RGS8: variants seen among roughly 807,000 people sequenced by gnomAD.
RGS8 encodes the protein regulator of G protein signaling 8, also known as regulator of G-protein signaling 8.
In RGS8, 8 loss-of-function variants were observed where a neutral mutation model predicts 21.7. The observed-to-expected ratio is 0.37, with a 90% CI of 0.22 to 0.66. RGS8 has a LOEUF of 0.66. Ranked by LOEUF, RGS8 falls within the 30% of genes least tolerant of loss-of-function variation. The pLI, the probability that RGS8 is intolerant of heterozygous loss-of-function variation, is 0.59. For synonymous variants in RGS8, 80 were observed against 83.6 expected, an observed-to-expected ratio of 0.96 and a Z score of 0.24; for missense variants, 157 against 217.9, an observed-to-expected ratio of 0.72 and a Z score of 1.76.
chr1:182,643,249 C>T (rs1213979921), downstream of RGS8: 6 of 151,064 alleles, frequency 4.0e-5, no homozygotes, highest in Non-Finnish European at 7.4e-5. Flanking sequence ...CCAGGTTCCT[C>T]GGTATCTACG....
the RGS8 span, among the ~76,000 whole-genome samples, chr1:182,721,040 CATATACATACATAT>C: frequency 0.31 from 20,916 of 67,300 alleles, 3,156 homozygotes; most frequent in African/African-American, 0.33. Flanking sequence ...TGTATATATA[CATATACATACATAT>C]ATATGTGTGT....
At chr1:182,668,381 G>A (rs1482650009) in intron 3 of RGS8, among the ~76,000 whole-genome samples, 1 of 152,238 alleles carries the variant, frequency 6.6e-6, no homozygotes, top group Non-Finnish European at 1.5e-5. Context: ...ATGTTGAAAG[G>A]AGTCCTTCTG....
chr1:182,741,584 C>T, the RGS8 span, among the ~76,000 whole-genome samples: 2 of 117,190 alleles, frequency 1.7e-5, no homozygotes, highest in East Asian at 2.9e-4. Context: ...CGGGCAGAGG[C>T]GCCCCTCACC....
At chr1:182,653,126 G>A (rs78302060) in intron 5 of RGS8, among the ~76,000 whole-genome samples, 4,471 of 152,222 alleles carry the variant, frequency 0.029, 223 homozygotes, top group African/African-American at 0.099. Context: ...AGAAGGAAGT[G>A]GTCACTGTGT....
At chr1:182,735,635 C>A in the RGS8 span, among the ~76,000 whole-genome samples, 1 of 152,166 alleles carries the variant, frequency 6.6e-6, no homozygotes, top group South Asian at 2.1e-4. Context: ...CAGGGCTTCA[C>A]CTTCATTTCA....
chr1:182,656,122 G>T (rs953161467), intron 5 of RGS8, among the ~76,000 whole-genome samples: 2 of 152,222 alleles, frequency 1.3e-5, no homozygotes, highest in Admixed American at 6.5e-5. Flanking sequence ...TCTTAGCAAA[G>T]TGTGTTTTAT....
chr1:182,690,277 T>C, the RGS8 span, among the ~76,000 whole-genome samples: 1 of 152,250 alleles, frequency 6.6e-6, no homozygotes, highest in Non-Finnish European at 1.5e-5. Flanking sequence ...TGTACTTCTC[T>C]GGTACAACAA....
chr1:182,658,858 A>T (rs761795308), intron 5 of RGS8, among the ~76,000 whole-genome samples: 1 of 152,222 alleles, frequency 6.6e-6, no homozygotes, highest in Non-Finnish European at 1.5e-5. Flanking sequence ...AAAAAATTTT[A>T]AAAATAACTG....
chr1:182,687,773 G>A (rs533536626), upstream of RGS8, among the ~76,000 whole-genome samples: 1 of 152,250 alleles, frequency 6.6e-6, no homozygotes, highest in African/African-American at 2.4e-5. Flanking sequence ...TAAGAAGTTT[G>A]GCTGAGAAGG....
At chr1:182,707,036 A>G in the RGS8 span, among the ~76,000 whole-genome samples, 2 of 151,872 alleles carry the variant, frequency 1.3e-5, no homozygotes, top group Non-Finnish European at 2.9e-5. Context: ...GGGGGTGCCT[A>G]TAATCCCAGC....
chr1:182,741,712 G>A, the RGS8 span, among the ~76,000 whole-genome samples: 3 of 105,266 alleles, frequency 2.8e-5, no homozygotes, highest in African/African-American at 9.1e-5. Context: ...GGGCAGAGGC[G>A]CCCCTCACCT....
intron 5 of RGS8, among the ~76,000 whole-genome samples, chr1:182,653,143 C>T (rs1029714859): frequency 1.3e-5 from 2 of 152,180 alleles, no homozygotes; most frequent in Non-Finnish European, 2.9e-5. Context: ...GTGTCTAGTG[C>T]TGCCCAGAGG....
At chr1:182,730,953 G>A in the RGS8 span, among the ~76,000 whole-genome samples, 11 of 152,096 alleles carry the variant, frequency 7.2e-5, no homozygotes, top group Non-Finnish European at 1.5e-4. Flanking sequence ...GAAAATCACT[G>A]CATGGCACTG....
the RGS8 span, among the ~76,000 whole-genome samples, chr1:182,720,934 T>TACATATATATACATATAC: frequency 7.5e-6 from 1 of 133,604 alleles, no homozygotes; most frequent in African/African-American, 3.0e-5. Flanking sequence ...TATACATATA[T>TACATATATATACATATAC]ACATATATAT....
At chr1:182,678,788 A>G (rs547419971) in intron 1 of RGS8, among the ~76,000 whole-genome samples, 3 of 152,174 alleles carry the variant, frequency 2.0e-5, no homozygotes, top group Non-Finnish European at 2.9e-5. Flanking sequence ...CCAGTGGCCA[A>G]CTAGTTTCTG....
chr1:182,741,896 C>CCTCT, the RGS8 span, among the ~76,000 whole-genome samples: 1 of 144,462 alleles, frequency 6.9e-6, no homozygotes, highest in African/African-American at 2.5e-5. Flanking sequence ...CCCCCACCTC[C>CCTCT]CTCCCGGAGG....
In RGS8 at chr1:182,666,975, T is replaced by C. The variant is rs755800675; in HGVS notation, c.27-2A>G. ...AGTCGAGTCCTCATCCCTTTGTTCC[T>C]GCAACAAGCACAGGGGCAGAAGGAC... is the stretch of plus-strand genomic sequence containing the variant. On this transcript the variant is annotated splice_acceptor_variant, in intron 3 of 6. Coordinates refer to ENST00000483095, the Ensembl canonical transcript of RGS8. LOFTEE classifies it high-confidence loss of function. 1 of 1,611,082 alleles carries C rather than the reference T, an allele frequency of 6.2e-7. No individual in the cohort carries two copies. Among genetic ancestry groups the C allele is most frequent in the South Asian group, 1.1e-5 (1 of 91,006 alleles).
upstream of RGS8, among the ~76,000 whole-genome samples, chr1:182,689,242 TGCACGC>T (rs1026846349): frequency 3.0e-4 from 44 of 144,754 alleles, 1 homozygote; most frequent in East Asian, 1.0e-3. Flanking sequence ...CTCTCTCTCG[TGCACGC>T]GCACGCACAC....
At chr1:182,723,395 C>T in the RGS8 span, among the ~76,000 whole-genome samples, 1 of 152,246 alleles carries the variant, frequency 6.6e-6, no homozygotes, top group East Asian at 1.9e-4. Context: ...TGGCTGTTGG[C>T]GTGAGGCCTC....
Sources: gnomAD v4.1 joint callset for allele counts (sites outside exome capture counted in the v4.1 genomes callset) on GRCh38, gnomAD v4.1.1 for gene constraint, MANE v1.5 for transcripts, NCBI Gene and HGNC (gene_info 2026-07-23, HGNC 2026-07-21) for gene names.